Variants in PTPRD observed in about 807,000 individuals in gnomAD.
PTPRD encodes receptor-type tyrosine-protein phosphatase delta.
PTPRD carries 34 observed loss-of-function variants against 214.5 expected under a neutral mutation model. That is an observed-to-expected ratio of 0.16 (90% CI 0.12 to 0.21). The LOEUF is 0.21. PTPRD is among the 10% of genes least tolerant of loss of function. The probability of loss-of-function intolerance (pLI) is 1.00; values close to 1 mark genes in which losing one functional copy is unlikely to be tolerated. For synonymous variants in PTPRD, 1,128 were observed against 845.7 expected (o/e 1.33, Z -5.79); for missense variants, 2,545 against 2,398.7 (o/e 1.06, Z -1.27).
intron 7 of PTPRD, among the ~76,000 whole-genome samples, chr9:9,700,667 C>T (rs2097480932): frequency 2.0e-5 from 3 of 151,934 alleles, no homozygotes; most frequent in South Asian, 2.1e-4. Context: ...TACAATAATT[C>T]CTCATTGTGT....
intron 2 of PTPRD, among the ~76,000 whole-genome samples, chr9:10,525,417 A>G (rs2053938050): frequency 6.6e-6 from 1 of 152,018 alleles, no homozygotes; most frequent in Non-Finnish European, 1.5e-5. Flanking sequence ...ATACCAAGCC[A>G]CCCAATCATT....
At chr9:9,806,870 T>C (rs1241314853) in intron 5 of PTPRD, among the ~76,000 whole-genome samples, 2 of 152,132 alleles carry the variant, frequency 1.3e-5, no homozygotes, top group Admixed American at 6.6e-5. Flanking sequence ...CTTGTGAGCA[T>C]GCATGTAACT....
intron 3 of PTPRD, among the ~76,000 whole-genome samples, chr9:10,261,396 C>G (rs1042321445): frequency 7.9e-5 from 12 of 152,044 alleles, no homozygotes; most frequent in African/African-American, 2.7e-4. Flanking sequence ...TTGAGCTACC[C>G]TGGTGGAGTT....
intron 2 of PTPRD, among the ~76,000 whole-genome samples, chr9:10,462,642 G>C (rs1193086747): frequency 6.6e-6 from 1 of 151,726 alleles, no homozygotes; most frequent in Non-Finnish European, 1.5e-5. Flanking sequence ...ATTTCCACCA[G>C]TCCCCCTTTC....
At chr9:8,981,280 C>T (rs1434945993) in intron 11 of PTPRD, among the ~76,000 whole-genome samples, 1 of 151,896 alleles carries the variant, frequency 6.6e-6, no homozygotes, top group Non-Finnish European at 1.5e-5. Flanking sequence ...TTAGTGGGAT[C>T]ATAATTATTT....
chr9:10,031,645 T>TACACACACACACAC (rs1466329705), intron 4 of PTPRD, among the ~76,000 whole-genome samples: 9 of 69,072 alleles, frequency 1.3e-4, no homozygotes, highest in Non-Finnish European at 2.2e-4. Context: ...TATATATATA[T>TACACACACACACAC]ATACACACAC....
chr9:9,254,675 A>T (rs2099976949), intron 9 of PTPRD, among the ~76,000 whole-genome samples: 1 of 152,070 alleles, frequency 6.6e-6, no homozygotes, highest in South Asian at 2.1e-4. Context: ...AAGCCTTAGA[A>T]GTGATTTAGG....
chr9:8,776,233 C>T (rs534544968), intron 11 of PTPRD, among the ~76,000 whole-genome samples: 1 of 152,290 alleles, frequency 6.6e-6, no homozygotes, highest in South Asian at 2.1e-4. Flanking sequence ...TACAACTATA[C>T]TAAGGCTCAG....
At chr9:9,645,347 G>A (rs1054899028) in intron 7 of PTPRD, among the ~76,000 whole-genome samples, 1 of 152,040 alleles carries the variant, frequency 6.6e-6, no homozygotes, top group Non-Finnish European at 1.5e-5. Context: ...ATTTTGAGGA[G>A]AGCTCATTCA....
intron 5 of PTPRD, among the ~76,000 whole-genome samples, chr9:9,767,120 T>C (rs2098713258): frequency 6.6e-6 from 1 of 151,516 alleles, no homozygotes. Context: ...AAATAAACTT[T>C]CCAGGAAAAA....
chr9:9,059,754 T>C (rs573315210), intron 10 of PTPRD, among the ~76,000 whole-genome samples: 60 of 152,090 alleles, frequency 3.9e-4, no homozygotes, highest in African/African-American at 1.3e-3. Context: ...GGTAAATATA[T>C]AAAAATAAAT....
At chr9:10,553,289 C>G (rs1420676740) in intron 2 of PTPRD, among the ~76,000 whole-genome samples, 1 of 151,194 alleles carries the variant, frequency 6.6e-6, no homozygotes, top group Admixed American at 6.6e-5. Context: ...AAGGCTGAAA[C>G]TTTTGTGATT....
At chr9:10,449,965 A>G (rs2098829134) in intron 2 of PTPRD, among the ~76,000 whole-genome samples, 1 of 151,706 alleles carries the variant, frequency 6.6e-6, no homozygotes, top group South Asian at 2.1e-4. Flanking sequence ...TCTCTGAAAC[A>G]TGTGCTGTGT....
intron 3 of PTPRD, among the ~76,000 whole-genome samples, chr9:10,077,888 G>T (rs183397879): frequency 2.7e-4 from 40 of 150,296 alleles, no homozygotes; most frequent in African/African-American, 8.6e-4. Flanking sequence ...AGCCTTCTCT[G>T]TTCATTCTGG....
intron 11 of PTPRD, among the ~76,000 whole-genome samples, chr9:8,836,621 G>A (rs553304282): frequency 2.1e-4 from 25 of 120,146 alleles, no homozygotes; most frequent in African/African-American, 8.1e-4. Flanking sequence ...TTTTTAAGAC[G>A]GAGTCTCGCT....
At chr9:9,938,451 A>C (rs982217504) in intron 5 of PTPRD, 56 bp downstream of exon 5, 2 of 152,178 alleles carry the variant, frequency 1.3e-5, no homozygotes, top group Admixed American at 6.5e-5. Flanking sequence ...TAGAAGTCCA[A>C]AAAATACACA....
At chr9:9,032,454 G>A (rs2099608624) in intron 10 of PTPRD, among the ~76,000 whole-genome samples, 1 of 152,040 alleles carries the variant, frequency 6.6e-6, no homozygotes, top group Non-Finnish European at 1.5e-5. Flanking sequence ...AAGCTGAAAT[G>A]GATGAAATGG....
intron 11 of PTPRD, among the ~76,000 whole-genome samples, chr9:8,794,438 A>G (rs1025996108): frequency 6.6e-5 from 10 of 152,158 alleles, no homozygotes; most frequent in African/African-American, 2.4e-4. Context: ...AAGAATTCCA[A>G]ATAATTACAG....
intron 11 of PTPRD, among the ~76,000 whole-genome samples, chr9:8,880,380 GAT>G (rs2098435245): frequency 6.6e-6 from 1 of 152,114 alleles, no homozygotes; most frequent in African/African-American, 2.4e-5. Context: ...GTTACCTGTG[GAT>G]ATCTACAGGC....
Sources: allele counts gnomAD v4.1 joint callset (sites outside exome capture counted in the v4.1 genomes callset), GRCh38; gene constraint gnomAD v4.1.1; transcripts MANE v1.5; gene names NCBI Gene and HGNC (gene_info 2026-07-23, HGNC 2026-07-21).